The following SRPK2 variants were observed in gnomAD, a reference collection of about 807,000 sequenced individuals.
SRPK2 encodes the protein SFRS protein kinase 2.
SRPK2 carries 21 observed loss-of-function variants against 90.8 expected under a neutral mutation model. That is an observed-to-expected ratio of 0.23 (90% CI 0.16 to 0.33). The LOEUF is 0.33. Ranked by LOEUF, SRPK2 falls within the 10% of genes least tolerant of loss-of-function variation. The pLI is 1.00. For synonymous variants in SRPK2, 288 were observed against 311.1 expected, an observed-to-expected ratio of 0.93 and a Z score of 0.78; for missense variants, 620 against 869.0, an observed-to-expected ratio of 0.71 and a Z score of 3.60.
intron 2 of SRPK2, among the ~76,000 whole-genome samples, chr7:105,255,747 C>T (rs1194646294): frequency 6.6e-6 from 1 of 152,122 alleles, no homozygotes; most frequent in African/African-American, 2.4e-5. Flanking sequence ...GCCTGGCCAA[C>T]ATGGTGAAAC....
chr7:105,258,919 C>T (rs1037752428), intron 2 of SRPK2, among the ~76,000 whole-genome samples: 5 of 152,210 alleles, frequency 3.3e-5, no homozygotes, highest in Admixed American at 6.5e-5. Flanking sequence ...GACAAACCCA[C>T]AGCCAATATC....
intron 3 of SRPK2, among the ~76,000 whole-genome samples, chr7:105,178,216 T>C (rs1297229847): frequency 6.6e-6 from 1 of 151,848 alleles, no homozygotes; most frequent in East Asian, 1.9e-4. Flanking sequence ...AAAACACTAA[T>C]AATAATAATA....
chr7:105,316,084 G>A (rs1254344437), intron 2 of SRPK2, among the ~76,000 whole-genome samples: 1 of 149,598 alleles, frequency 6.7e-6, no homozygotes, highest in African/African-American at 2.5e-5. Flanking sequence ...GAGTGCAATG[G>A]CGCGATCTCG....
intron 2 of SRPK2, among the ~76,000 whole-genome samples, chr7:105,206,819 G>GT (rs1432976117): frequency 1.2e-4 from 19 of 152,186 alleles, no homozygotes; most frequent in African/African-American, 4.3e-4. Flanking sequence ...TTATACACGA[G>GT]TATTTCTAGT....
chr7:105,350,533 T>C (rs1374121811), intron 2 of SRPK2, among the ~76,000 whole-genome samples: 1 of 148,814 alleles, frequency 6.7e-6, no homozygotes, highest in African/African-American at 2.5e-5. Flanking sequence ...TTTTTTCTTT[T>C]TTTTTTTTTT....
chr7:105,275,668 C>G lies in SRPK2; in HGVS notation c.72-71883G>C, dbSNP rs528494626. Among the ~76,000 whole-genome samples, 6 of 152,332 alleles carry G rather than the reference C, an allele frequency of 3.9e-5. No individual in the cohort carries two copies. In the South Asian group the frequency reaches 1.2e-3, roughly 32 times the overall value. ...ATCAGTACAGCACTAAGCCAAGCCC[C>G]TGGAACCCTGATGAGGAGTAGCAGA... is the stretch of plus-strand genomic sequence containing the variant. On this transcript the variant is annotated intron_variant, in intron 2 of 15. Transcript: ENST00000393651.
intron 2 of SRPK2, among the ~76,000 whole-genome samples, chr7:105,325,487 A>AC (rs1813459226): frequency 5.5e-4 from 2 of 3,640 alleles, no homozygotes; most frequent in African/African-American, 1.4e-3. Flanking sequence ...CCAAGTCTTC[A>AC]AAAAAAAAAA....
chr7:105,279,146 T>A (rs1202150254), intron 2 of SRPK2, among the ~76,000 whole-genome samples: 2 of 145,646 alleles, frequency 1.4e-5, no homozygotes. Flanking sequence ...CTGAACACAG[T>A]GCCCACAGAC....
intron 2 of SRPK2, among the ~76,000 whole-genome samples, chr7:105,286,158 T>C (rs991963026): frequency 1.3e-5 from 2 of 152,176 alleles, no homozygotes; most frequent in African/African-American, 4.8e-5. Context: ...AGGGTTTGGG[T>C]TCTAAGCCAC....
chr7:105,239,778 A>G (rs1563129253), intron 2 of SRPK2, among the ~76,000 whole-genome samples: 1 of 152,232 alleles, frequency 6.6e-6, no homozygotes, highest in African/African-American at 2.4e-5. Flanking sequence ...CATGGTTGAT[A>G]AGAATAAGAA....
rs531825460 is a variant in SRPK2, at chr7:105,383,490, G to A, written c.71+5158C>T. Among the ~76,000 whole-genome samples the A allele has an allele frequency of 5.9e-5, 9 of 151,336 alleles. No individual in the cohort carries two copies. In the South Asian group the frequency reaches 8.3e-4, roughly 14 times the overall value. ...GGCTGGAGTGCAGCGGCATGATCTC[G>A]GCTCACCACAACCTCCGTCTCCCAG... On this transcript the variant is annotated intron_variant, in intron 2 of 15. Coordinates refer to ENST00000393651, the MANE Select transcript of SRPK2 (RefSeq NM_182692.3).
At chr7:105,376,011 T>G (rs1820242389) in intron 2 of SRPK2, among the ~76,000 whole-genome samples, 1 of 142,084 alleles carries the variant, frequency 7.0e-6, no homozygotes, top group South Asian at 2.3e-4. Flanking sequence ...TTTTTTTTTT[T>G]GAGACAGAGT....
Position 105,160,515 on chromosome 7 carries a change from T to C in SRPK2, c.613A>G (p.Ile205Val). ...GCCGTCAAAAGTCTCACCTGTCGAA[T>C]GATACTCTTCACACAACGTACTGGG... ...GLPVRCVKSIIRQVLQGLDYL... is the reference protein window; with the variant it reads ...GLPVRCVKSIVRQVLQGLDYL... Residue 205 changes from isoleucine to valine, a missense_variant, in exon 7 of 16, where the codon ATT (isoleucine) becomes GTT (valine). Ile to Val is a conservative substitution (Grantham distance 29). Transcript: ENST00000393651. 1 of 1,610,888 alleles carries C rather than the reference T, an allele frequency of 6.2e-7. No individual in the cohort carries two copies.
At chr7:105,300,254 CAAAAAAAAAAAA>C (rs35542004) in intron 2 of SRPK2, among the ~76,000 whole-genome samples, 1 of 76,302 alleles carries the variant, frequency 1.3e-5, no homozygotes, top group Non-Finnish European at 2.6e-5. Flanking sequence ...GACTCCATCT[CAAAAAAAAAAAA>C]AAAAAAAAAA....
chr7:105,265,860 C>T (rs1366258870), intron 2 of SRPK2, among the ~76,000 whole-genome samples: 1 of 147,452 alleles, frequency 6.8e-6, no homozygotes, highest in African/African-American at 2.4e-5. Flanking sequence ...CATCATTAGG[C>T]ATTTTTTTTA....
chr7:105,366,104 C>A (rs779606971), intron 2 of SRPK2, among the ~76,000 whole-genome samples: 1 of 152,052 alleles, frequency 6.6e-6, no homozygotes, highest in Non-Finnish European at 1.5e-5. Context: ...CCGCCCACCT[C>A]GGCCTCCCAA....
At chr7:105,292,084 C>T (rs923775440) in intron 2 of SRPK2, among the ~76,000 whole-genome samples, 2 of 152,180 alleles carry the variant, frequency 1.3e-5, no homozygotes, top group East Asian at 3.9e-4. Flanking sequence ...CTCTGAAATA[C>T]ACATGAGCCT....
chr7:105,284,574 G>GA (rs1563191339), intron 2 of SRPK2, among the ~76,000 whole-genome samples: 1 of 152,164 alleles, frequency 6.6e-6, no homozygotes, highest in Non-Finnish European at 1.5e-5. Context: ...CATGCTGGGG[G>GA]AAAAATATTA....
intron 2 of SRPK2, among the ~76,000 whole-genome samples, chr7:105,312,437 C>CCAAAAAAA (rs534904843): frequency 1.2e-5 from 1 of 84,862 alleles, no homozygotes; most frequent in Non-Finnish European, 2.1e-5. Context: ...GAGACTCCGT[C>CCAAAAAAA]AAAAAAAAAA....
Sources: gnomAD v4.1 joint callset for allele counts (sites outside exome capture counted in the v4.1 genomes callset) on GRCh38, gnomAD v4.1.1 for gene constraint, MANE v1.5 for transcripts, NCBI Gene and HGNC (gene_info 2026-07-23, HGNC 2026-07-21) for gene names.